The following ASAP1 variants were observed in gnomAD, a reference collection of about 807,000 sequenced individuals.
The protein encoded by ASAP1 is ArfGAP with SH3 domain, ankyrin repeat and PH domain 1, also known as arf-GAP with SH3 domain, ANK repeat and PH domain-containing protein 1.
In ASAP1, 43 loss-of-function variants were observed where a neutral mutation model predicts 145.2. The ratio of observed to expected loss-of-function variants is 0.30; its 90% CI spans 0.23 to 0.38. ASAP1 has a LOEUF of 0.38. Ranked by LOEUF, ASAP1 falls within the 10% of genes least tolerant of loss-of-function variation. The pLI is 1.00. For synonymous variants in ASAP1, 546 were observed against 515.5 expected, an observed-to-expected ratio of 1.06 and a Z score of -0.80; for missense variants, 1,018 against 1,355.3, an observed-to-expected ratio of 0.75 and a Z score of 3.91.
chr8:130,177,423 T>C (rs1814039892), intron 9 of ASAP1, among the ~76,000 whole-genome samples: 1 of 152,204 alleles, frequency 6.6e-6, no homozygotes, highest in South Asian at 2.1e-4. Flanking sequence ...GACTGAGAGA[T>C]TCACTTATTT....
In ASAP1 at chr8:130,358,098, G is replaced by C. The variant is rs748130014; in HGVS notation, c.105C>G (p.Thr35=). The change falls in exon 3 of 30, where the codon ACC becomes ACG. Residue 35 remains threonine (T), a synonymous_variant. Transcript: ENST00000518721. This position sits in a 1 kb window ranked among gnomAD's most constrained non-coding sequence, Gnocchi z 4.1. ...ISVSEFIAET[T]EDYNSPTTSS... The stretch of plus-strand genomic sequence containing the variant: ...ACGTGGTGGGCGAGTTGTAGTCCTC[G>C]GTGGTCTCGGCGATGAACTCCGAGA... 6.2e-6 allele frequency: 10 copies of C among 1,610,036 alleles called. No individual in the cohort carries two copies. The South Asian group carries it at 1.1e-4, about 18-fold the overall frequency.
chr8:130,178,454 A>G (rs1479539495), intron 9 of ASAP1, among the ~76,000 whole-genome samples: 4 of 152,258 alleles, frequency 2.6e-5, no homozygotes, highest in Admixed American at 1.3e-4. Context: ...GCCCTGCAAT[A>G]TAGGCAAACA....
At chr8:130,323,855 T>A (rs902547430) in intron 3 of ASAP1, among the ~76,000 whole-genome samples, 1 of 152,022 alleles carries the variant, frequency 6.6e-6, no homozygotes, top group Admixed American at 6.6e-5. Context: ...TACTGCCTAA[T>A]AGATTACCAG....
chr8:130,341,420 A>T (rs1256949107), intron 3 of ASAP1, among the ~76,000 whole-genome samples: 1 of 152,162 alleles, frequency 6.6e-6, no homozygotes, highest in East Asian at 1.9e-4. Context: ...AGACTTGGAG[A>T]CTTGAGGGTC....
rs1230151527 is a variant in ASAP1, at chr8:130,071,011, G to GGAGAGAGA, written c.2701+5329_2701+5336dup. Among the ~76,000 whole-genome samples, 46 of 11,432 alleles carry GGAGAGAGA rather than the reference G, an allele frequency of 4.0e-3. 5 individuals are homozygous for GGAGAGAGA. The highest frequency in any genetic ancestry group is 7.8e-3 in the East Asian group (2 of 258). 7.5% of individuals were successfully genotyped at this position (11,432 alleles called of 152,430 possible). A position where few individuals can be genotyped will look rare whatever the true frequency, so the allele number is the denominator to read the frequency against. On this transcript the variant is annotated intron_variant, in intron 27 of 29. Transcript: ENST00000518721. ...AGAGAGAGAGAGAGAGGGGAGGGGG[G>GGAGAGAGA]GAGAGAGAGAGAGAGAGAGAGAGAG...
At chr8:130,183,895 TG>T (rs904167581) in intron 7 of ASAP1, among the ~76,000 whole-genome samples, 4 of 152,202 alleles carry the variant, frequency 2.6e-5, no homozygotes, top group African/African-American at 9.7e-5. Flanking sequence ...GCTGTACTGC[TG>T]ATCTAAAGAG....
chr8:130,312,602 A>C (rs1823425782), intron 3 of ASAP1, among the ~76,000 whole-genome samples: 1 of 152,196 alleles, frequency 6.6e-6, no homozygotes, highest in Non-Finnish European at 1.5e-5. Flanking sequence ...ATCTCACTGA[A>C]CCAACCATTA....
chr8:130,071,968 T>G (rs968961866), intron 27 of ASAP1, among the ~76,000 whole-genome samples: 1 of 152,228 alleles, frequency 6.6e-6, no homozygotes, highest in Non-Finnish European at 1.5e-5. Context: ...TCTGTTATTA[T>G]GTTAGGTGTG....
intron 1 of ASAP1, among the ~76,000 whole-genome samples, chr8:130,427,578 G>C (rs1022643902): frequency 5.3e-5 from 8 of 152,164 alleles, no homozygotes. Flanking sequence ...CAAGTGGAAA[G>C]GAGAGGAAAC....
chr8:130,405,868 G>T (rs566829932), intron 1 of ASAP1, among the ~76,000 whole-genome samples: 1 of 152,110 alleles, frequency 6.6e-6, no homozygotes, highest in East Asian at 1.9e-4. Context: ...AGTAATCTAG[G>T]TTCATCAGAA....
At chr8:130,138,122 A>T (rs1302264120) in intron 13 of ASAP1, among the ~76,000 whole-genome samples, 2 of 152,224 alleles carry the variant, frequency 1.3e-5, no homozygotes, top group African/African-American at 4.8e-5. Flanking sequence ...GACAAGTCAC[A>T]TCAGTAAGCC....
chr8:130,322,752 C>T (rs1824086315), intron 3 of ASAP1, among the ~76,000 whole-genome samples: 1 of 152,184 alleles, frequency 6.6e-6, no homozygotes, highest in Admixed American at 6.5e-5. Context: ...AGTGAGTTTA[C>T]AACCTGGTAG....
intron 1 of ASAP1, among the ~76,000 whole-genome samples, chr8:130,435,814 G>A (rs775133681): frequency 7.9e-5 from 12 of 152,292 alleles, no homozygotes; most frequent in African/African-American, 2.2e-4. Context: ...AAAGGCTTCC[G>A]TGCAGATTTT....
At chr8:130,365,329 T>C (rs1182200376) in intron 2 of ASAP1, among the ~76,000 whole-genome samples, 3 of 152,240 alleles carry the variant, frequency 2.0e-5, no homozygotes, top group Non-Finnish European at 2.9e-5. Context: ...CACTGCCTAG[T>C]TGGGGTCCCT....
rs567050207 is a variant in ASAP1, at chr8:130,103,159, G to C, written c.2401+8935C>G. Reference sequence around the variant, plus strand: ...GTTCAATCTTGGTGGTTGTTTCCAGGAATTTGTCCATTTCCTCTAGGTTTC... The same window carrying C: ...GTTCAATCTTGGTGGTTGTTTCCAGCAATTTGTCCATTTCCTCTAGGTTTC... On this transcript the variant is annotated intron_variant, in intron 24 of 29. Transcript: ENST00000518721. Among the ~76,000 whole-genome samples, 21 of 151,980 alleles carry C rather than the reference G, an allele frequency of 1.4e-4. No individual in the cohort carries two copies. The South Asian group carries it at 4.4e-3, about 32-fold the overall frequency.
chr8:130,263,220 T>TA (rs1820045969), intron 3 of ASAP1, among the ~76,000 whole-genome samples: 1 of 152,114 alleles, frequency 6.6e-6, no homozygotes, highest in African/African-American at 2.4e-5. Context: ...CTCCTAGCTA[T>TA]AGCTAACTGA....
At chr8:130,198,736 C>T (rs1267340840) in intron 5 of ASAP1, among the ~76,000 whole-genome samples, 1 of 152,180 alleles carries the variant, frequency 6.6e-6, no homozygotes, top group Non-Finnish European at 1.5e-5. Flanking sequence ...AGCAGATGAT[C>T]AGGTTATTAA....
At chr8:130,346,378 T>G (rs757103156) in intron 3 of ASAP1, among the ~76,000 whole-genome samples, 6 of 152,254 alleles carry the variant, frequency 3.9e-5, no homozygotes, top group Non-Finnish European at 8.8e-5. Context: ...GAGTCTAACC[T>G]ACATATCTCA....
intron 2 of ASAP1, among the ~76,000 whole-genome samples, chr8:130,393,504 C>G (rs1014692069): frequency 6.6e-6 from 1 of 152,210 alleles, no homozygotes; most frequent in Non-Finnish European, 1.5e-5. Context: ...GCCTGTAGTC[C>G]CAGCACTTTG....
Sources: allele counts gnomAD v4.1 joint callset (sites outside exome capture counted in the v4.1 genomes callset), GRCh38; gene constraint gnomAD v4.1.1; non-coding constraint Gnocchi (gnomAD v3.1); transcripts MANE v1.5; gene names NCBI Gene and HGNC (gene_info 2026-07-23, HGNC 2026-07-21).